PAK3: variants seen among roughly 807,000 people sequenced by gnomAD.
PAK3 encodes serine/threonine-protein kinase PAK 3.
PAK3 carries 4 observed loss-of-function variants against 41.0 expected under a neutral mutation model. The ratio of observed to expected loss-of-function variants is 0.10; its 90% confidence interval spans 0.05 to 0.22. The LOEUF is 0.22. PAK3 is among the 10% of genes least tolerant of loss of function. The probability of loss-of-function intolerance (pLI) is 1.00; values close to 1 mark genes in which losing one functional copy is unlikely to be tolerated. For missense variants in PAK3, 205 were observed against 409.9 expected (o/e 0.50, Z 4.32); for synonymous variants, 146 against 139.6 (o/e 1.05, Z -0.32).
intron 1 of PAK3, among the ~76,000 whole-genome samples, chrX:111,015,357 C>T (rs767454227): frequency 9.0e-6 from 1 of 111,284 alleles, no homozygotes; most frequent in East Asian, 2.8e-4. Flanking sequence ...TGTTGATGGA[C>T]ACTTGGGTTG....
intron 1 of PAK3, among the ~76,000 whole-genome samples, chrX:110,986,049 G>A (rs755887683): frequency 1.7e-4 from 19 of 111,183 alleles, no homozygotes; most frequent in Non-Finnish European, 3.4e-4. Context: ...TCTAGTTAGT[G>A]TCCCCATAGG....
At chrX:111,055,236 GT>G (rs2092595023) in intron 1 of PAK3, among the ~76,000 whole-genome samples, 1 of 112,069 alleles carries the variant, frequency 8.9e-6, no homozygotes, top group Admixed American at 9.4e-5. Flanking sequence ...CATGAGGAAG[GT>G]TTTAACTCTG....
At chrX:111,203,758 G>C (rs1603386035) in intron 16 of PAK3, among the ~76,000 whole-genome samples, 1 of 112,057 alleles carries the variant, frequency 8.9e-6, no homozygotes, top group African/African-American at 3.2e-5. Flanking sequence ...ATCCCTCCAA[G>C]CACTGGGACT....
In PAK3 at chrX:111,043,598, C is replaced by T. The variant is rs193000956; in HGVS notation, c.-27-79479C>T. On this transcript the variant is annotated intron_variant, in intron 1 of 14. Coordinates refer to the PAK3 transcript ENST00000425146. The stretch of plus-strand genomic sequence containing the variant: ...AACTATTTGTAGTAGTGATTTGAAG[C>T]CCAGAATAAAGTTATCTTTCTTCAG... Among the ~76,000 whole-genome samples, 133 of 111,938 alleles carry T rather than the reference C, an allele frequency of 1.2e-3. 2 individuals are homozygous for T. Among genetic ancestry groups the T allele is most frequent in the South Asian group, 7.9e-3 (21 of 2,674 alleles).
chrX:110,987,979 G>A (rs1288208725), intron 1 of PAK3, among the ~76,000 whole-genome samples: 1 of 112,307 alleles, frequency 8.9e-6, no homozygotes, highest in Non-Finnish European at 1.9e-5. Flanking sequence ...GTTGTTGTGG[G>A]AATTTAAGTG....
chrX:111,023,252 T>C (rs891694913), intron 1 of PAK3, among the ~76,000 whole-genome samples: 3 of 112,210 alleles, frequency 2.7e-5, no homozygotes, highest in Non-Finnish European at 5.6e-5. Flanking sequence ...TAGTATTCCA[T>C]GGTGTATATG....
chrX:111,015,484 A>T (rs2092075130), intron 1 of PAK3, among the ~76,000 whole-genome samples: 1 of 111,268 alleles, frequency 9.0e-6, no homozygotes, highest in South Asian at 3.8e-4. Flanking sequence ...TTGCTGTATC[A>T]TATTGTAGTT....
intron 5 of PAK3, among the ~76,000 whole-genome samples, chrX:111,129,793 T>C (rs187165414): frequency 4.5e-5 from 5 of 111,253 alleles, no homozygotes; most frequent in African/African-American, 1.6e-4. Flanking sequence ...GTGGAGAAGA[T>C]ACAGAGGATG....
At chrX:110,977,014 T>G (rs1454625710) in intron 1 of PAK3, among the ~76,000 whole-genome samples, 1 of 110,275 alleles carries the variant, frequency 9.1e-6, no homozygotes, top group Non-Finnish European at 1.9e-5. Flanking sequence ...TGTAAATGAT[T>G]AGTTGATGGA....
intron 1 of PAK3, among the ~76,000 whole-genome samples, chrX:110,957,292 G>C (rs916071723): frequency 3.6e-5 from 4 of 112,146 alleles, no homozygotes; most frequent in Non-Finnish European, 7.5e-5. Context: ...CCATTTTACA[G>C]AGGAGCAATT....
intron 1 of PAK3, among the ~76,000 whole-genome samples, chrX:111,018,574 C>T (rs895024354): frequency 9.0e-6 from 1 of 111,677 alleles, no homozygotes. Flanking sequence ...TAAAACATTG[C>T]TGAAAGAGAT....
intron 1 of PAK3, among the ~76,000 whole-genome samples, chrX:110,981,881 A>G (rs1429772160): frequency 9.0e-6 from 1 of 111,667 alleles, no homozygotes; most frequent in Admixed American, 9.5e-5. Context: ...GATTCAGGAG[A>G]CATTATGGAG....
chrX:111,098,924 CCCACCT>C (rs891701324), intron 3 of PAK3: 5 of 112,213 alleles, frequency 4.5e-5, no homozygotes, highest in African/African-American at 1.6e-4. Flanking sequence ...CACCCCCACC[CCCACCT>C]GCCGGGGGCT....
At chrX:110,947,251 A>G (rs1329338508) in intron 1 of PAK3, among the ~76,000 whole-genome samples, 2 of 112,112 alleles carry the variant, frequency 1.8e-5, no homozygotes, top group East Asian at 5.6e-4. Context: ...ATGAGCTTGA[A>G]TGACTTCTTT....
chrX:111,161,905 T>A (rs1324853484), intron 8 of PAK3, among the ~76,000 whole-genome samples: 3 of 111,639 alleles, frequency 2.7e-5, no homozygotes, highest in Non-Finnish European at 5.6e-5. Flanking sequence ...GCTAGCCACA[T>A]TTTAAGTGTT....
intron 17 of PAK3, among the ~76,000 whole-genome samples, chrX:111,220,009 G>A (rs779548528): frequency 3.6e-5 from 4 of 112,137 alleles, no homozygotes; most frequent in Non-Finnish European, 7.5e-5. Context: ...ATTGGTTTCA[G>A]GACAGAGTTC....
intron 1 of PAK3, among the ~76,000 whole-genome samples, chrX:110,977,896 T>G (rs774198173): frequency 8.9e-6 from 1 of 112,184 alleles, no homozygotes; most frequent in Non-Finnish European, 1.9e-5. Flanking sequence ...TATTTCATTT[T>G]CTTGCATAAT....
At chrX:111,083,650 C>T (rs1004002304) in intron 1 of PAK3, among the ~76,000 whole-genome samples, 2 of 111,512 alleles carry the variant, frequency 1.8e-5, no homozygotes, top group Admixed American at 1.9e-4. Context: ...TGTTTGTGTC[C>T]TTCCTTCTTC....
chrX:111,078,376 A>G (rs960627108), intron 1 of PAK3, among the ~76,000 whole-genome samples: 1 of 110,169 alleles, frequency 9.1e-6, no homozygotes, highest in Non-Finnish European at 1.9e-5. Context: ...TCTGTGTCAC[A>G]CATTGGTAAT....
Sources: allele counts gnomAD v4.1 joint callset (sites outside exome capture counted in the v4.1 genomes callset), GRCh38; gene constraint gnomAD v4.1.1; transcripts MANE v1.5; gene names NCBI Gene and HGNC (gene_info 2026-07-23, HGNC 2026-07-21).